COMMD10: variants seen among roughly 807,000 people sequenced by gnomAD.
COMMD10 encodes the protein COMM domain-containing protein 10.
Under a neutral mutation model 28.9 loss-of-function variants are expected in COMMD10, and 33 were observed. The observed-to-expected ratio is 1.14, with a 90% CI of 0.87 to 1.53. The LOEUF (loss-of-function observed/expected upper bound fraction) is 1.53, where lower values mean the gene tolerates loss of function less well. Among genes scored for constraint, COMMD10 ranks in the 40% most tolerant of loss-of-function variants. COMMD10 has a pLI of 0.00. For synonymous variants in COMMD10, 110 were observed against 81.7 expected, an observed-to-expected ratio of 1.35 and a Z score of -1.87; for missense variants, 310 against 233.4, an observed-to-expected ratio of 1.33 and a Z score of -2.14.
chr5:116,150,497 T>C (rs1466035554), intron 5 of COMMD10, among the ~76,000 whole-genome samples: 1 of 151,352 alleles, frequency 6.6e-6, no homozygotes, highest in Non-Finnish European at 1.5e-5. Context: ...GAGCATGGAA[T>C]GTTCTTCCAT....
intron 4 of COMMD10, among the ~76,000 whole-genome samples, chr5:116,103,339 C>T (rs1750727859): frequency 6.6e-6 from 1 of 152,170 alleles, no homozygotes; most frequent in African/African-American, 2.4e-5. Context: ...CTGTTGTTTC[C>T]TGACTTTTTA....
chr5:116,268,031 A>T (rs1750642052), intron 5 of COMMD10, among the ~76,000 whole-genome samples: 1 of 151,872 alleles, frequency 6.6e-6, no homozygotes, highest in Admixed American at 6.6e-5. Context: ...TTCAGGACAT[A>T]GGCATGGGCA....
intron 4 of COMMD10, among the ~76,000 whole-genome samples, chr5:116,121,341 G>A (rs6594941): frequency 0.9 from 136,592 of 152,234 alleles, 61,425 homozygotes; most frequent in African/African-American, 0.94. Context: ...ATAGTATTCC[G>A]TGGTGTATAT....
At chr5:116,194,442 G>A (rs1004436438) in intron 5 of COMMD10, among the ~76,000 whole-genome samples, 3 of 152,100 alleles carry the variant, frequency 2.0e-5, no homozygotes, top group Non-Finnish European at 4.4e-5. Context: ...AAGAAAAGAA[G>A]GGAGAAAATC....
intron 5 of COMMD10, among the ~76,000 whole-genome samples, chr5:116,202,361 T>G (rs1054595439): frequency 3.3e-5 from 5 of 151,946 alleles, no homozygotes; most frequent in African/African-American, 4.8e-5. Flanking sequence ...TGCATGTGTC[T>G]TTATAGCAGC....
At chr5:116,215,037 G>T (rs940970284) in intron 5 of COMMD10, among the ~76,000 whole-genome samples, 2 of 151,990 alleles carry the variant, frequency 1.3e-5, no homozygotes, top group Non-Finnish European at 2.9e-5. Context: ...TTAATAGTTT[G>T]TGGTGTTTTT....
At chr5:116,229,962 C>G (rs1749487296) in intron 5 of COMMD10, among the ~76,000 whole-genome samples, 1 of 149,312 alleles carries the variant, frequency 6.7e-6, no homozygotes, top group Non-Finnish European at 1.5e-5. Context: ...ATACCTGAGC[C>G]CCCCCAAAAA....
chr5:116,102,291 A>G (rs1049185759), intron 4 of COMMD10, among the ~76,000 whole-genome samples: 1 of 152,180 alleles, frequency 6.6e-6, no homozygotes, highest in Non-Finnish European at 1.5e-5. Context: ...CAGTTTTCTC[A>G]GCACCATTTA....
intron 5 of COMMD10, among the ~76,000 whole-genome samples, chr5:116,239,396 G>T (rs1481980839): frequency 1.3e-5 from 2 of 152,090 alleles, no homozygotes; most frequent in African/African-American, 4.8e-5. Flanking sequence ...TGAAGAAAAG[G>T]GAAGATTTGA....
chr5:116,103,570 A>G (rs550810421), intron 4 of COMMD10, among the ~76,000 whole-genome samples: 1 of 152,274 alleles, frequency 6.6e-6, no homozygotes, highest in African/African-American at 2.4e-5. Flanking sequence ...GCCCTTTGTC[A>G]GATGGATAGA....
intron 4 of COMMD10, among the ~76,000 whole-genome samples, chr5:116,098,248 T>C (rs1369734121): frequency 1.3e-5 from 2 of 152,184 alleles, no homozygotes; most frequent in African/African-American, 4.8e-5. Flanking sequence ...TGAAAACAGA[T>C]CATGCCATTT....
At chr5:116,126,435 A>G in intron 4 of COMMD10, among the ~76,000 whole-genome samples, 1 of 152,136 alleles carries the variant, frequency 6.6e-6, no homozygotes, top group Non-Finnish European at 1.5e-5. Context: ...TTTAAAGTTC[A>G]TATGGAACCA....
intron 5 of COMMD10, among the ~76,000 whole-genome samples, chr5:116,239,993 G>C (rs1749772171): frequency 1.3e-5 from 2 of 152,128 alleles, no homozygotes; most frequent in South Asian, 4.1e-4. Flanking sequence ...CAGAGTAGAA[G>C]AGTTGAGGTG....
chr5:116,252,973 C>T lies in COMMD10; in HGVS notation c.511-38544C>T, dbSNP rs1464049969. Among the ~76,000 whole-genome samples, 5 of 91,986 alleles carry T rather than the reference C, an allele frequency of 5.4e-5. No homozygotes were observed. The East Asian group carries it at 1.5e-3, about 27-fold the overall frequency. 60.3% of individuals were successfully genotyped at this position (91,986 alleles called of 152,430 possible). A position where few individuals can be genotyped will look rare whatever the true frequency, so the allele number is the denominator to read the frequency against. On this transcript the variant is annotated intron_variant, in intron 5 of 6. Transcript: ENST00000274458. ...CATTTGTTTGTATCCTCTTTTATTTCGTTGAGCAGTGGTTTGTAGTTCTCC... is the reference window on the plus strand; with the variant it reads ...CATTTGTTTGTATCCTCTTTTATTTTGTTGAGCAGTGGTTTGTAGTTCTCC...
intron 4 of COMMD10, among the ~76,000 whole-genome samples, chr5:116,113,841 C>T (rs955966686): frequency 6.6e-6 from 1 of 151,906 alleles, no homozygotes; most frequent in African/African-American, 2.4e-5. Flanking sequence ...TTGATGGTGT[C>T]ATATTGCCAT....
At chr5:116,238,069 C>G (rs1363958203) in intron 5 of COMMD10, among the ~76,000 whole-genome samples, 2 of 152,104 alleles carry the variant, frequency 1.3e-5, no homozygotes, top group African/African-American at 2.4e-5. Flanking sequence ...GCACAAAAAA[C>G]AAGGTCTGAA....
chr5:116,272,198 G>A (rs1750777759), intron 5 of COMMD10, among the ~76,000 whole-genome samples: 1 of 151,816 alleles, frequency 6.6e-6, no homozygotes, highest in Non-Finnish European at 1.5e-5. Context: ...ATTTAGCCAT[G>A]TCAGTGCAGT....
At chr5:116,092,106 A>T (rs1485071232) in intron 3 of COMMD10, among the ~76,000 whole-genome samples, 2 of 152,222 alleles carry the variant, frequency 1.3e-5, no homozygotes, top group Non-Finnish European at 2.9e-5. Flanking sequence ...ACTTTTAATC[A>T]TATATTATGT....
chr5:116,247,990 T>A (rs913204987), intron 5 of COMMD10, among the ~76,000 whole-genome samples: 6 of 152,032 alleles, frequency 3.9e-5, no homozygotes, highest in Admixed American at 2.0e-4. Context: ...AATATCAAAA[T>A]TTTATGCAAT....
Sources: allele counts gnomAD v4.1 joint callset (sites outside exome capture counted in the v4.1 genomes callset), GRCh38; gene constraint gnomAD v4.1.1; transcripts MANE v1.5; gene names NCBI Gene and HGNC (gene_info 2026-07-23, HGNC 2026-07-21).